Variants in COL25A1 observed in about 807,000 individuals in gnomAD.
COL25A1 encodes the protein collagen type XXV alpha 1 chain.
A neutral mutation model predicts 128.4 loss-of-function variants in COL25A1; 103 were observed. The ratio of observed to expected loss-of-function variants is 0.80; its 90% CI spans 0.68 to 0.94. The LOEUF is 0.94. Among genes scored for constraint, COL25A1 ranks in the 40% least tolerant of loss-of-function variants. The pLI is 0.00. For synonymous variants in COL25A1, 279 were observed against 277.2 expected (o/e 1.01, Z -0.06); for missense variants, 745 against 840.0 (o/e 0.89, Z 1.40).
chr4:109,021,730 C>G (rs1191947262), intron 5 of COL25A1: 2 of 453,146 alleles, frequency 4.4e-6, no homozygotes, highest in African/African-American at 2.0e-5. Context: ...CTTTTCCTAG[C>G]AAGGAATATA....
intron 6 of COL25A1, among the ~76,000 whole-genome samples, chr4:108,979,214 G>C (rs1752719722): frequency 6.6e-6 from 1 of 152,050 alleles, no homozygotes; most frequent in Admixed American, 6.6e-5. Context: ...TGTGGGTTTT[G>C]GCCTATACCA....
intron 3 of COL25A1, among the ~76,000 whole-genome samples, chr4:109,271,242 T>C (rs1782177287): frequency 6.6e-6 from 1 of 152,198 alleles, no homozygotes; most frequent in African/African-American, 2.4e-5. Flanking sequence ...AAAGCAAAAC[T>C]AAAATGTAAA....
chr4:109,201,209 T>A lies in COL25A1; in HGVS notation c.367+99374A>T, dbSNP rs1275647153. 5.9e-5 allele frequency among the ~76,000 whole-genome samples: 9 copies of A among 152,322 alleles called. No individual in the cohort carries two copies. In the East Asian group the frequency reaches 1.7e-3, roughly 29 times the overall value. ...AAGAAGGCTATCTTTTCTGTTGGTA[T>A]GCACTTGGTCCAGTAATTTATGATA... On this transcript the variant is annotated intron_variant, in intron 3 of 37. Coordinates refer to ENST00000399132, the MANE Select transcript of COL25A1 (RefSeq NM_198721.4).
intron 3 of COL25A1, among the ~76,000 whole-genome samples, chr4:109,178,479 G>A (rs1774302513): frequency 6.6e-6 from 1 of 152,144 alleles, no homozygotes. Flanking sequence ...TAGCTACAAT[G>A]AGGCTGAGGA....
intron 3 of COL25A1, among the ~76,000 whole-genome samples, chr4:109,214,584 A>G (rs10030902): frequency 0.38 from 57,321 of 151,674 alleles, 11,869 homozygotes; most frequent in African/African-American, 0.54. Flanking sequence ...TACTATGAAC[A>G]TCCCCATTTG....
intron 3 of COL25A1, among the ~76,000 whole-genome samples, chr4:109,058,582 A>G (rs1441021111): frequency 6.6e-6 from 1 of 152,234 alleles, no homozygotes; most frequent in Non-Finnish European, 1.5e-5. Flanking sequence ...TCAAATATTC[A>G]ATAAATAAAA....
At chr4:109,082,722 T>C (rs1223466821) in intron 3 of COL25A1, among the ~76,000 whole-genome samples, 1 of 152,218 alleles carries the variant, frequency 6.6e-6, no homozygotes, top group Non-Finnish European at 1.5e-5. Context: ...TTTGCAAATA[T>C]CTTCCCCTAT....
chr4:108,819,194 G>T, intron 36 of COL25A1, 58 bp downstream of exon 36: 2 of 1,312,358 alleles, frequency 1.5e-6, no homozygotes, highest in South Asian at 1.3e-5. Context: ...TGATAGAGAT[G>T]AACATGTGAT....
intron 16 of COL25A1, among the ~76,000 whole-genome samples, chr4:108,890,991 C>T (rs1460409176): frequency 1.3e-5 from 2 of 152,210 alleles, no homozygotes; most frequent in Non-Finnish European, 2.9e-5. Flanking sequence ...CCGCAGCTCA[C>T]TTTCTAATTG....
chr4:108,814,384 C>A (rs1216164752), intron 37 of COL25A1, among the ~76,000 whole-genome samples: 1 of 152,180 alleles, frequency 6.6e-6, no homozygotes, highest in African/African-American at 2.4e-5. Flanking sequence ...GTCACCAACA[C>A]CTGACTCTAA....
chr4:109,136,685 T>C (rs1454180849), intron 3 of COL25A1, among the ~76,000 whole-genome samples: 1 of 152,190 alleles, frequency 6.6e-6, no homozygotes, highest in Non-Finnish European at 1.5e-5. Flanking sequence ...AGATGGGTAG[T>C]TAGGGTGTAG....
At chr4:108,896,230 G>C (rs375876285) in intron 16 of COL25A1, among the ~76,000 whole-genome samples, 18 of 152,026 alleles carry the variant, frequency 1.2e-4, no homozygotes, top group African/African-American at 4.1e-4. Flanking sequence ...TTACAGGCCT[G>C]AGTCACTGTG....
At chr4:109,255,263 A>C (rs1351720141) in intron 3 of COL25A1, among the ~76,000 whole-genome samples, 1 of 152,202 alleles carries the variant, frequency 6.6e-6, no homozygotes, top group Non-Finnish European at 1.5e-5. Context: ...ATTTTAAACT[A>C]ATCTATTTCA....
Position 109,116,596 on chromosome 4 carries a change from C to T in COL25A1, c.368-66417G>A, listed in dbSNP as rs150070998. Among the ~76,000 whole-genome samples, 14 of 152,074 alleles carry T rather than the reference C, an allele frequency of 9.2e-5. No homozygotes were observed. In the East Asian group the frequency reaches 2.7e-3, roughly 29 times the overall value. The stretch of plus-strand genomic sequence containing the variant: ...TTCCTTTTACCCAGTTTATCATGCC[C>T]ACCTCTCAAAAGTGATTACAAGGCA... On this transcript the variant is annotated intron_variant, in intron 3 of 37. Coordinates refer to ENST00000399132, the MANE Select transcript of COL25A1 (RefSeq NM_198721.4).
chr4:108,921,420 T>C (rs564498237), intron 11 of COL25A1, among the ~76,000 whole-genome samples: 4 of 152,148 alleles, frequency 2.6e-5, no homozygotes, highest in Non-Finnish European at 5.9e-5. Flanking sequence ...TAAATACAAC[T>C]ATTAAGCATT....
chr4:109,012,460 G>C (rs1048657301), intron 5 of COL25A1, among the ~76,000 whole-genome samples: 2 of 152,180 alleles, frequency 1.3e-5, no homozygotes, highest in East Asian at 1.9e-4. Flanking sequence ...CTCTGCTTGC[G>C]GGGAGGTGTG....
At chr4:108,974,801 T>C (rs1383829396) in intron 6 of COL25A1, among the ~76,000 whole-genome samples, 1 of 152,196 alleles carries the variant, frequency 6.6e-6, no homozygotes, top group Non-Finnish European at 1.5e-5. Flanking sequence ...TCAATAAATT[T>C]TCACAAACTC....
intron 3 of COL25A1, among the ~76,000 whole-genome samples, chr4:109,149,999 G>T (rs60665501): frequency 0.44 from 57,865 of 132,188 alleles, 12,339 homozygotes; most frequent in Non-Finnish European, 0.57. Flanking sequence ...TGTATGTGTG[G>T]GTGTGTGTGT....
intron 6 of COL25A1, among the ~76,000 whole-genome samples, chr4:108,999,787 T>TA (rs912353147): frequency 1.3e-5 from 2 of 152,070 alleles, no homozygotes; most frequent in African/African-American, 4.8e-5. Flanking sequence ...TATGCAGCCA[T>TA]AAAAAAGGAT....
Sources: allele counts gnomAD v4.1 joint callset (sites outside exome capture counted in the v4.1 genomes callset), GRCh38; gene constraint gnomAD v4.1.1; transcripts MANE v1.5; gene names NCBI Gene and HGNC (gene_info 2026-07-23, HGNC 2026-07-21).